PVT1: variants seen among roughly 807,000 people sequenced by gnomAD.
The protein encoded by PVT1 is Pvt1 oncogene, also known as CXCR4/PVT1 fusion.
At chr8:127,845,039 T>C (rs1466138602) in intron 2 of PVT1, among the ~76,000 whole-genome samples, 1 of 152,226 alleles carries the variant, frequency 6.6e-6, no homozygotes, top group Non-Finnish European at 1.5e-5. Flanking sequence ...TGCATCTCAC[T>C]GCCTGGGACA....
chr8:128,097,492 C>T (rs1814444118), intron 6 of PVT1, among the ~76,000 whole-genome samples: 2 of 152,138 alleles, frequency 1.3e-5, no homozygotes, highest in Non-Finnish European at 2.9e-5. Flanking sequence ...GAATATTCAG[C>T]AGAGACCATC....
intron 2 of PVT1, among the ~76,000 whole-genome samples, chr8:127,809,761 C>T (rs1008031732): frequency 2.0e-5 from 3 of 152,142 alleles, no homozygotes; most frequent in Non-Finnish European, 2.9e-5. Context: ...TCCCTTCCGG[C>T]ATTTATTGTG....
At chr8:127,818,003 A>G (rs1279969045) in intron 2 of PVT1, among the ~76,000 whole-genome samples, 1 of 152,178 alleles carries the variant, frequency 6.6e-6, no homozygotes, top group Non-Finnish European at 1.5e-5. Flanking sequence ...GCAGAGGCAG[A>G]ACTGATGCCC....
At chr8:127,895,833 A>G (rs189919509) in intron 3 of PVT1, among the ~76,000 whole-genome samples, 17 of 152,366 alleles carry the variant, frequency 1.1e-4, no homozygotes, top group Admixed American at 6.5e-4. Flanking sequence ...TGCAGGCCAC[A>G]CAGCTCTGTA....
chr8:127,871,145 G>A (rs1169265672), intron 2 of PVT1, among the ~76,000 whole-genome samples: 9 of 152,150 alleles, frequency 5.9e-5, no homozygotes, highest in South Asian at 4.1e-4. Context: ...TCTAAAACAC[G>A]CAATGCAGAG....
chr8:127,909,450 C>G (rs1048532061), intron 3 of PVT1, among the ~76,000 whole-genome samples: 1 of 152,208 alleles, frequency 6.6e-6, no homozygotes, highest in Non-Finnish European at 1.5e-5. Context: ...TGATTCTAGT[C>G]ACTTTACCTT....
At chr8:127,905,361 G>A (rs535452618) in intron 3 of PVT1, among the ~76,000 whole-genome samples, 29 of 152,340 alleles carry the variant, frequency 1.9e-4, no homozygotes, top group African/African-American at 7.0e-4. Context: ...CAGGGATATA[G>A]ACCACCTGTG....
Position 127,975,347 on chromosome 8 carries a change from T to C in PVT1, n.783-13815T>C, listed in dbSNP as rs1816812227. 2.6e-5 allele frequency among the ~76,000 whole-genome samples: 4 copies of C among 152,364 alleles called. No homozygotes were observed. The South Asian group carries it at 8.3e-4, about 32-fold the overall frequency. ...TTAGCTTAAAAAAATTATCATTCAATGGATGCAGAATGATCTCTTGTTAGA... is the reference window on the plus strand; with the variant it reads ...TTAGCTTAAAAAAATTATCATTCAACGGATGCAGAATGATCTCTTGTTAGA... On this transcript the variant is annotated intron_variant and non_coding_transcript_variant, in intron 3 of 10. Transcript: ENST00000651587.
intron 2 of PVT1, among the ~76,000 whole-genome samples, chr8:127,806,529 G>C (rs1814531467): frequency 6.6e-6 from 1 of 152,096 alleles, no homozygotes; most frequent in Non-Finnish European, 1.5e-5. Flanking sequence ...ACAAAGTCAG[G>C]TTTTGGAGAT....
intron 2 of PVT1, among the ~76,000 whole-genome samples, chr8:127,865,138 CATTACTGCACCTCA>C (rs1278537537): frequency 2.0e-5 from 3 of 152,196 alleles, no homozygotes; most frequent in African/African-American, 7.2e-5. Flanking sequence ...GTGGGCACCA[CATTACTGCACCTCA>C]ATTTGGACGA....
In PVT1 at chr8:127,936,286, A is replaced by G. The variant is rs576376695; in HGVS notation, n.782+45288A>G. On this transcript the variant is annotated intron_variant and non_coding_transcript_variant, in intron 3 of 10. Transcript: ENST00000651587. ...GGGCTGGTCTCCAACTCCCGACCTCAGGTGTTCTGCCTGCCTTGGCCTCCC... is the reference window on the plus strand; with the variant it reads ...GGGCTGGTCTCCAACTCCCGACCTCGGGTGTTCTGCCTGCCTTGGCCTCCC... Among the ~76,000 whole-genome samples the G allele has an allele frequency of 3.3e-5, 5 of 152,004 alleles. No homozygotes were observed. In the East Asian group the frequency reaches 9.8e-4, roughly 30 times the overall value.
At chr8:127,981,716 G>A (rs907972798) in intron 3 of PVT1, among the ~76,000 whole-genome samples, 2 of 152,186 alleles carry the variant, frequency 1.3e-5, no homozygotes, top group African/African-American at 4.8e-5. Flanking sequence ...CAGGGAAAAC[G>A]TCCTGGTAAG....
At chr8:127,881,435 A>ATATTAT (rs79735415) in intron 2 of PVT1, among the ~76,000 whole-genome samples, 2,147 of 100,806 alleles carry the variant, frequency 0.021, 27 homozygotes, top group South Asian at 0.059. Flanking sequence ...TATTGTTATT[A>ATATTAT]TATTATTATT....
chr8:127,943,158 C>T (rs768888192), intron 3 of PVT1, among the ~76,000 whole-genome samples: 139 of 152,324 alleles, frequency 9.1e-4, no homozygotes, highest in Non-Finnish European at 1.5e-3. Context: ...AGGTCCTGCA[C>T]AGAGTGTTCC....
intron 3 of PVT1, among the ~76,000 whole-genome samples, chr8:127,969,721 G>A (rs561080020): frequency 1.2e-4 from 18 of 152,292 alleles, no homozygotes; most frequent in African/African-American, 4.3e-4. Context: ...GTAAATGATT[G>A]CTGAGTGGAT....
intron 3 of PVT1, among the ~76,000 whole-genome samples, chr8:127,935,780 G>A (rs576914730): frequency 6.6e-6 from 1 of 151,524 alleles, no homozygotes; most frequent in South Asian, 2.1e-4. Flanking sequence ...TTTCTCCTCC[G>A]TATGGAGCGG....
chr8:128,042,775 T>TTTATTTTATTTTATC (rs1813561546), intron 4 of PVT1, among the ~76,000 whole-genome samples: 1 of 151,466 alleles, frequency 6.6e-6, no homozygotes, highest in Non-Finnish European at 1.5e-5. Context: ...TTTATTTTAT[T>TTTATTTTATTTTATC]TTATTTTAAG....
exon 5 of PVT1, chr8:128,070,357 T>C (rs1215484596): frequency 6.6e-6 from 1 of 152,256 alleles, no homozygotes; most frequent in Non-Finnish European, 1.5e-5. Context: ...TGGACTGTGA[T>C]GCGGGTGAGT....
intron 2 of PVT1, among the ~76,000 whole-genome samples, chr8:127,868,484 T>A (rs1187123020): frequency 6.6e-6 from 1 of 151,842 alleles, no homozygotes; most frequent in Non-Finnish European, 1.5e-5. Flanking sequence ...ACCTCCTGGG[T>A]TCAAGCAATT....
Sources: gnomAD v4.1 joint callset for allele counts (sites outside exome capture counted in the v4.1 genomes callset) on GRCh38, gnomAD v4.1.1 for gene constraint, MANE v1.5 for transcripts, NCBI Gene and HGNC (gene_info 2026-07-23, HGNC 2026-07-21) for gene names.